Variants in RMDN2 observed in about 807,000 individuals in gnomAD.
The protein encoded by RMDN2 is regulator of microtubule dynamics protein 2.
A neutral mutation model predicts 52.8 loss-of-function variants in RMDN2; 61 were observed. The ratio of observed to expected loss-of-function variants is 1.16; its 90% CI spans 0.94 to 1.43. RMDN2 has a LOEUF of 1.43. Ranked by LOEUF, RMDN2 falls within the 40% of genes most tolerant of loss-of-function variation. The pLI, the probability that RMDN2 is intolerant of heterozygous loss-of-function variation, is 0.00. For synonymous variants in RMDN2, 180 were observed against 153.1 expected (o/e 1.18, Z -1.30); for missense variants, 592 against 475.3 (o/e 1.25, Z -2.28).
At chr2:38,054,911 C>G (rs1332783505) in intron 10 of RMDN2, among the ~76,000 whole-genome samples, 1 of 152,076 alleles carries the variant, frequency 6.6e-6, no homozygotes, top group South Asian at 2.1e-4. Context: ...GACGGGGGGA[C>G]AAAGGGCTCC....
rs1261538667 is a variant in RMDN2, at chr2:37,972,613, C to T, written c.453-1427C>T. On this transcript the variant is annotated intron_variant, in intron 2 of 10. Transcript: ENST00000354545. ...GACGTGATCTGAGTTATTCTTGCTA[C>T]TCTGTTGAGAATAGAATATAAGGGT... Among the ~76,000 whole-genome samples the T allele has an allele frequency of 3.3e-5, 5 of 152,120 alleles. No individual in the cohort carries two copies. The East Asian group carries it at 9.6e-4, about 29-fold the overall frequency.
chr2:37,950,349 T>G, intron 2 of RMDN2: 2 of 1,143,412 alleles, frequency 1.7e-6, no homozygotes, highest in Non-Finnish European at 2.5e-6. Flanking sequence ...TCCACAGCCA[T>G]GTGAATTCCA....
intron 5 of RMDN2, among the ~76,000 whole-genome samples, chr2:37,982,188 C>A (rs975004961): frequency 6.6e-6 from 1 of 152,148 alleles, no homozygotes; most frequent in Non-Finnish European, 1.5e-5. Context: ...TCCACAGGTC[C>A]ACATTTGTCC....
intron 2 of RMDN2, among the ~76,000 whole-genome samples, chr2:37,937,702 G>A (rs775601206): frequency 6.6e-6 from 1 of 151,502 alleles, no homozygotes; most frequent in Non-Finnish European, 1.5e-5. Context: ...TCTATTATTG[G>A]TTTGTAGGAA....
chr2:37,958,603 T>C (rs1669795152), intron 2 of RMDN2, among the ~76,000 whole-genome samples: 1 of 150,972 alleles, frequency 6.6e-6, no homozygotes, highest in Non-Finnish European at 1.5e-5. Context: ...TTTGACTTCC[T>C]CTCTTTGTAT....
At chr2:38,047,470 G>A (rs981737319) in intron 10 of RMDN2, among the ~76,000 whole-genome samples, 1 of 152,194 alleles carries the variant, frequency 6.6e-6, no homozygotes, top group Non-Finnish European at 1.5e-5. Flanking sequence ...CTACAAAGTA[G>A]ATGACTCTTC....
At chr2:37,936,745 CT>C (rs1320701182) in intron 2 of RMDN2, among the ~76,000 whole-genome samples, 2 of 151,972 alleles carry the variant, frequency 1.3e-5, no homozygotes, top group Middle Eastern at 3.4e-3. Context: ...GGGTTGTTTG[CT>C]TTTTTCTTGT....
Position 37,950,688 on chromosome 2 carries a change from A to G in RMDN2, c.452+20959A>G, listed in dbSNP as rs559199529. The G allele has an allele frequency of 4.9e-6, 6 of 1,233,776 alleles. No homozygotes were observed. The East Asian group carries it at 1.4e-4, about 29-fold the overall frequency. The allele number at this position is 1,233,776 out of a possible 1,614,324, so 76.4% of individuals were successfully genotyped here. ...AGTGCTCTCCTTTGTTTCCCATAAT[A>G]ACTGGATATCCTGGACTGTCCAGAT... On this transcript the variant is annotated intron_variant, in intron 2 of 10. Transcript: ENST00000354545.
intron 7 of RMDN2, among the ~76,000 whole-genome samples, chr2:37,994,425 T>C (rs1220036150): frequency 1.3e-5 from 2 of 152,176 alleles, no homozygotes; most frequent in Non-Finnish European, 2.9e-5. Context: ...CTTTATAACA[T>C]TACCTATGCT....
chr2:38,065,465 T>C (rs1682233517), intron 10 of RMDN2, among the ~76,000 whole-genome samples: 1 of 152,102 alleles, frequency 6.6e-6, no homozygotes, highest in Admixed American at 6.6e-5. Flanking sequence ...CTCAGTGCTG[T>C]TAGGCTTCTA....
At chr2:37,962,850 C>T (rs1243233650) in intron 2 of RMDN2, among the ~76,000 whole-genome samples, 5 of 152,144 alleles carry the variant, frequency 3.3e-5, no homozygotes, top group Non-Finnish European at 5.9e-5. Context: ...GAGGGAATCT[C>T]GCGGTCTGCG....
intron 2 of RMDN2, 134 bp downstream of exon 2, chr2:37,929,863 T>G: frequency 1.6e-6 from 1 of 621,764 alleles, no homozygotes; most frequent in Non-Finnish European, 2.7e-6. Flanking sequence ...TATTTTGACT[T>G]AGATTATAAT....
At chr2:37,950,643 A>G in intron 2 of RMDN2, 2 of 1,590,638 alleles carry the variant, frequency 1.3e-6, no homozygotes, top group Admixed American at 3.3e-5. Flanking sequence ...AACATTGAAA[A>G]TATTCATAAA....
intron 10 of RMDN2, among the ~76,000 whole-genome samples, chr2:38,045,186 T>C: frequency 1.3e-5 from 2 of 152,350 alleles, no homozygotes; most frequent in Non-Finnish European, 2.9e-5. Flanking sequence ...ATTTTGGCTT[T>C]AGAATGCAGG....
intron 2 of RMDN2, among the ~76,000 whole-genome samples, chr2:37,942,912 A>G (rs1667918342): frequency 6.6e-6 from 1 of 152,218 alleles, no homozygotes; most frequent in African/African-American, 2.4e-5. Flanking sequence ...TTGGCCTTTT[A>G]GGATTCTATT....
chr2:37,946,170 C>A (rs982431017), intron 2 of RMDN2, among the ~76,000 whole-genome samples: 2 of 152,218 alleles, frequency 1.3e-5, no homozygotes, highest in Middle Eastern at 6.8e-3. Context: ...ATTTTATTGG[C>A]AACAATTTTT....
chr2:37,922,697 T>A (rs1437232011), upstream of RMDN2, among the ~76,000 whole-genome samples: 1 of 152,230 alleles, frequency 6.6e-6, no homozygotes, highest in Non-Finnish European at 1.5e-5. Context: ...TTTGTATTCA[T>A]TGAAACTCCT....
At chr2:38,049,306 A>T (rs934370561) in intron 10 of RMDN2, among the ~76,000 whole-genome samples, 2 of 152,144 alleles carry the variant, frequency 1.3e-5, no homozygotes, top group African/African-American at 2.4e-5. Flanking sequence ...TCAGTCAGAG[A>T]AGCAGCATGA....
At chr2:37,941,287 C>T (rs1010013834) in intron 2 of RMDN2, among the ~76,000 whole-genome samples, 7 of 152,168 alleles carry the variant, frequency 4.6e-5, no homozygotes, top group African/African-American at 1.4e-4. Context: ...AGAGGGCACC[C>T]GCCAGATGTC....
Sources: allele counts gnomAD v4.1 joint callset (sites outside exome capture counted in the v4.1 genomes callset), GRCh38; gene constraint gnomAD v4.1.1; transcripts MANE v1.5; gene names NCBI Gene and HGNC (gene_info 2026-07-23, HGNC 2026-07-21).